Variants in CWC22 observed in about 807,000 individuals in gnomAD.
The protein encoded by CWC22 is pre-mRNA-splicing factor CWC22 homolog.
A neutral mutation model predicts 117.2 loss-of-function variants in CWC22; 53 were observed. That is an observed-to-expected ratio of 0.45 (90% confidence interval 0.36 to 0.57). The LOEUF (loss-of-function observed/expected upper bound fraction) is 0.57. CWC22 is among the 20% of genes least tolerant of loss of function. The pLI, the probability that CWC22 is intolerant of heterozygous loss-of-function variation, is 0.00. For synonymous variants in CWC22, 360 were observed against 355.6 expected, an observed-to-expected ratio of 1.01 and a Z score of -0.14; for missense variants, 980 against 1,068.8, an observed-to-expected ratio of 0.92 and a Z score of 1.16.
chr2:179,946,315 G>A (rs188804909), intron 19 of CWC22, among the ~76,000 whole-genome samples: 73 of 151,944 alleles, frequency 4.8e-4, no homozygotes, highest in African/African-American at 1.6e-3. Context: ...GCCAGCTGTG[G>A]TGGCGTCAGC....
chr2:179,980,812 T>C (rs1372173994), intron 5 of CWC22, among the ~76,000 whole-genome samples: 1 of 152,252 alleles, frequency 6.6e-6, no homozygotes, highest in East Asian at 1.9e-4. Flanking sequence ...TCTGTTTTTC[T>C]TAAATTATAA....
chr2:179,999,024 T>C (rs1311540050), intron 1 of CWC22, among the ~76,000 whole-genome samples: 1 of 152,142 alleles, frequency 6.6e-6, no homozygotes, highest in African/African-American at 2.4e-5. Context: ...CTTTCAACTT[T>C]CATCAGCAAA....
At chr2:179,981,459 G>GA (rs1338820980) in intron 5 of CWC22, among the ~76,000 whole-genome samples, 1 of 152,114 alleles carries the variant, frequency 6.6e-6, no homozygotes, top group African/African-American at 2.4e-5. Flanking sequence ...ATGCATCCAT[G>GA]AAACTATGAA....
intron 15 of CWC22, 144 bp from the exon 16 acceptor site, chr2:179,954,501 T>C (rs1490255619): frequency 3.6e-6 from 2 of 561,444 alleles, no homozygotes; most frequent in African/African-American, 1.9e-5. Flanking sequence ...TTTTGTGCCA[T>C]ATGATGCTCA....
intron 1 of CWC22, among the ~76,000 whole-genome samples, chr2:179,998,570 T>C (rs918872211): frequency 3.9e-5 from 6 of 152,078 alleles, no homozygotes; most frequent in Non-Finnish European, 7.4e-5. Flanking sequence ...CACTAACGAA[T>C]TGAAGCCAAA....
intron 16 of CWC22, among the ~76,000 whole-genome samples, chr2:179,953,735 C>A (rs1231720197): frequency 2.6e-5 from 4 of 152,070 alleles, no homozygotes; most frequent in South Asian, 2.1e-4. Flanking sequence ...CTATAGCTTA[C>A]CCAACTTCAA....
At chr2:179,950,289 A>G (rs938073030) in intron 19 of CWC22, among the ~76,000 whole-genome samples, 1 of 152,178 alleles carries the variant, frequency 6.6e-6, no homozygotes, top group Non-Finnish European at 1.5e-5. Flanking sequence ...TGCGAATGAA[A>G]TATTTTCATT....
At chr2:179,974,905 C>A (rs886067386) in intron 6 of CWC22, among the ~76,000 whole-genome samples, 6 of 152,112 alleles carry the variant, frequency 3.9e-5, no homozygotes, top group African/African-American at 1.2e-4. Flanking sequence ...TGTGCCACCA[C>A]GCCCAGCTAA....
chr2:179,993,508 A>T, intron 1 of CWC22, 54 bp from the exon 2 acceptor site: 1 of 566,010 alleles, frequency 1.8e-6, no homozygotes. Flanking sequence ...GTGAAAAATG[A>T]TGATATATTT....
chr2:179,946,516 A>G (rs1411702695), intron 19 of CWC22, among the ~76,000 whole-genome samples: 1 of 151,466 alleles, frequency 6.6e-6, no homozygotes, highest in Non-Finnish European at 1.5e-5. Context: ...TAATATCTCA[A>G]CATTAGTTAC....
At chr2:180,005,303 A>C (rs2920053) in intron 1 of CWC22, among the ~76,000 whole-genome samples, 52,063 of 152,076 alleles carry the variant, frequency 0.34, 9,346 homozygotes, top group Admixed American at 0.51. Flanking sequence ...ACTAGCCGGG[A>C]GCGGTGGCTC....
At position 179,981,650 on chromosome 2, in the gene CWC22, A is replaced by T; in HGVS notation, c.452+102T>A. On this transcript the variant is annotated intron_variant, in intron 5 of 19. Coordinates refer to ENST00000410053, the MANE Select transcript of CWC22 (RefSeq NM_020943.3). ...TCTAATTTGAGGTCTCTATCACTAT[A>T]GACTAACGTAAATTCTCAAGAACCA... is the stretch of plus-strand genomic sequence containing the variant. 4.3e-6 allele frequency: 4 copies of T among 938,014 alleles called. No homozygotes were observed. In the South Asian group the frequency reaches 4.8e-5, roughly 11 times the overall value. The allele number at this position is 938,014 out of a possible 1,614,324, so 58.1% of individuals were successfully genotyped here. A position where few individuals can be genotyped will look rare whatever the true frequency, so the allele number is the denominator to read the frequency against.
chr2:179,979,368 C>T (rs1268488683), intron 5 of CWC22, among the ~76,000 whole-genome samples: 4 of 152,128 alleles, frequency 2.6e-5, no homozygotes, highest in Non-Finnish European at 5.9e-5. Context: ...CTGTAACAGA[C>T]TGTCAATACT....
In CWC22 at chr2:179,991,815, T is replaced by A. The variant is rs148886628; in HGVS notation, c.27+1500A>T. 3.5e-3 allele frequency among the ~76,000 whole-genome samples: 539 copies of A among 152,068 alleles called. 4 individuals are homozygous for A. Among genetic ancestry groups the A allele is most frequent in the African/African-American group, 0.013 (521 of 41,462 alleles). On this transcript the variant is annotated intron_variant, in intron 2 of 19. Transcript: ENST00000410053. ...GTAACAATGGACCAATGAGTACAAG[T>A]CCCAAAAAGGCCGATTTGAGAACAA...
At chr2:179,958,330 C>CAAA (rs11453659) in intron 14 of CWC22, among the ~76,000 whole-genome samples, 12 of 92,624 alleles carry the variant, frequency 1.3e-4, no homozygotes, top group South Asian at 8.3e-4. Flanking sequence ...GACTCTGGCT[C>CAAA]AAAAAAAAAA....
chr2:179,998,787 T>A lies in CWC22; in HGVS notation c.-113-5333A>T, dbSNP rs147545802. ...ACCTAGAATTCACTGTGACTAGGTATACTATGAGCAAAAAATAAAAATAAA... is the reference window on the plus strand; with the variant it reads ...ACCTAGAATTCACTGTGACTAGGTAAACTATGAGCAAAAAATAAAAATAAA... On this transcript the variant is annotated intron_variant, in intron 1 of 19. Transcript: ENST00000410053. Among the ~76,000 whole-genome samples, 497 of 152,226 alleles carry A rather than the reference T, an allele frequency of 3.3e-3. 4 individuals carry two copies. Among genetic ancestry groups the A allele is most frequent in the African/African-American group, 0.011 (446 of 41,550 alleles).
At chr2:179,960,311 T>TG (rs2105516553) in intron 13 of CWC22, among the ~76,000 whole-genome samples, 1 of 152,150 alleles carries the variant, frequency 6.6e-6, no homozygotes, top group Admixed American at 6.5e-5. Flanking sequence ...CTCAAGGTTT[T>TG]AAAGAGACAT....
At chr2:180,000,305 T>G (rs1290614224) in intron 1 of CWC22, among the ~76,000 whole-genome samples, 31 of 152,244 alleles carry the variant, frequency 2.0e-4, no homozygotes, top group Admixed American at 2.0e-3. Context: ...ATCCTTTATC[T>G]GCAGTTCTAA....
Position 179,993,425 on chromosome 2 carries a change from C to T in CWC22, c.-84G>A. On this transcript the variant is annotated 5_prime_UTR_variant, in exon 2 of 20. Coordinates refer to ENST00000410053, the MANE Select transcript of CWC22 (RefSeq NM_020943.3). The stretch of plus-strand genomic sequence containing the variant: ...GTACCCAATGCTCTGAATTCCTTGA[C>T]AGTTTACTTTTTCTGTCTGCAAACA... 2 of 970,760 alleles carry T rather than the reference C, an allele frequency of 2.1e-6. No homozygotes were observed. Among genetic ancestry groups the T allele is most frequent in the Middle Eastern group, 2.1e-4 (1 of 4,864 alleles). The allele number at this position is 970,760 out of a possible 1,614,324, so 60.1% of individuals were successfully genotyped here. A position where few individuals can be genotyped will look rare whatever the true frequency, so the allele number is the denominator to read the frequency against.
Sources: allele counts gnomAD v4.1 joint callset (sites outside exome capture counted in the v4.1 genomes callset), GRCh38; gene constraint gnomAD v4.1.1; transcripts MANE v1.5; gene names NCBI Gene and HGNC (gene_info 2026-07-23, HGNC 2026-07-21).